The following AJUBA variants were observed in gnomAD, a reference collection of about 807,000 sequenced individuals.
AJUBA encodes the protein ajuba LIM protein.
AJUBA carries 20 observed loss-of-function variants against 53.3 expected under a neutral mutation model. That is an observed-to-expected ratio of 0.38 (90% confidence interval 0.26 to 0.55). AJUBA has a LOEUF of 0.55. AJUBA is among the 20% of genes least tolerant of loss of function. The probability of loss-of-function intolerance (pLI) is 0.80; values close to 1 mark genes in which losing one functional copy is unlikely to be tolerated. For synonymous variants in AJUBA, 296 were observed against 306.2 expected, an observed-to-expected ratio of 0.97 and a Z score of 0.35; for missense variants, 580 against 730.5, an observed-to-expected ratio of 0.79 and a Z score of 2.38.
At chr14:22,978,232 C>A (rs2045055679) in intron 2 of AJUBA, 112 bp downstream of exon 2, 1 of 1,021,232 alleles carries the variant, frequency 9.8e-7, no homozygotes, top group Non-Finnish European at 1.5e-6. Flanking sequence ...GATCCAACAG[C>A]TGCTCTGTGA....
intron 6 of AJUBA, among the ~76,000 whole-genome samples, chr14:22,974,352 G>C (rs565574980): frequency 6.6e-6 from 1 of 152,142 alleles, no homozygotes; most frequent in Non-Finnish European, 1.5e-5. Flanking sequence ...CCTTACCTGC[G>C]TCTCTCAGTT....
At chr14:22,978,741 T>G (rs932985986) in intron 1 of AJUBA, 9 of 1,219,710 alleles carry the variant, frequency 7.4e-6, no homozygotes, top group Non-Finnish European at 9.4e-6. Flanking sequence ...GGCATTCAGA[T>G]GCTTAGTTTC....
chr14:22,973,311 C>G lies in AJUBA; in HGVS notation c.*132G>C. 7.6e-7 allele frequency: 1 copy of G among 1,319,474 alleles called. No homozygotes were observed. The highest frequency in any genetic ancestry group is 1.0e-6 in the Non-Finnish European group (1 of 972,336). The allele number at this position is 1,319,474 out of a possible 1,614,324, so 81.7% of individuals were successfully genotyped here. A position where few individuals can be genotyped will look rare whatever the true frequency, so the allele number is the denominator to read the frequency against. The stretch of plus-strand genomic sequence containing the variant: ...AATATCATGATCTTTGGGTCTCCGG[C>G]CCTTGGGGTCCTCCCCAGAGGACTC... On this transcript the variant is annotated 3_prime_UTR_variant, in exon 8 of 8. Coordinates refer to ENST00000262713, the MANE Select transcript of AJUBA (RefSeq NM_032876.6).
intron 1 of AJUBA, chr14:22,978,823 G>C (rs1234830039): frequency 1.6e-6 from 2 of 1,230,046 alleles, no homozygotes; most frequent in Non-Finnish European, 2.1e-6. Flanking sequence ...GGTCAAAGAT[G>C]CCAGTCCACA....
In AJUBA at chr14:22,976,483, A is replaced by G; in HGVS notation, c.1212T>C (p.Cys404=). The G allele has an allele frequency of 6.2e-7, 1 of 1,614,174 alleles. No homozygotes were observed. The highest frequency in any genetic ancestry group is 8.5e-7 in the Non-Finnish European group (1 of 1,180,024). The change falls in exon 4 of 8, where the codon TGT becomes TGC. Residue 404 remains cysteine, a synonymous_variant. Transcript: ENST00000262713. The part of the protein sequence containing the change: ...SGFQEAAEKC[C]VCGHLILEKI... ...TCTCCAAAATCAAGTGACCACAGAC[A>G]CAGCATTTCTCAGCTGCCTCCTGAA...
At position 22,974,009 on chromosome 14, in the gene AJUBA, C is replaced by A. The variant is rs1216329158; in HGVS notation, c.1491+38G>T. The A allele has an allele frequency of 3.7e-6, 6 of 1,612,946 alleles. No individual in the cohort carries two copies. The Admixed American group carries it at 5.0e-5, about 13-fold the overall frequency. On this transcript the variant is annotated intron_variant, in intron 7 of 7. Transcript: ENST00000262713. ...CTTGACTCCTCCCCTCTCCCCATTT[C>A]CACTTCTTCTCCAGCACCGCTGAAC...
rs555196454 is a variant in AJUBA at position 22,980,130 on chromosome 14, G to T, written c.1006+1131C>A. On this transcript the variant is annotated intron_variant, in intron 1 of 7. Transcript: ENST00000262713. Reference sequence around the variant, plus strand: ...ACTTTTCTAGCCATAGAGTTCTACAGCATGGGGTCCAGGAGTGGGGCATGA... The same window carrying T: ...ACTTTTCTAGCCATAGAGTTCTACATCATGGGGTCCAGGAGTGGGGCATGA... Among the ~76,000 whole-genome samples the T allele has an allele frequency of 1.1e-3, 169 of 152,292 alleles. 1 individual carries two copies. Among genetic ancestry groups the T allele is most frequent in the Non-Finnish European group, 1.8e-3 (122 of 68,028 alleles).
rs2045022136 is a variant in AJUBA, at chr14:22,975,063, G to A, written c.1281C>T (p.Phe427=). The A allele has an allele frequency of 6.2e-7, 1 of 1,613,938 alleles. No individual in the cohort carries two copies. Among genetic ancestry groups the A allele is most frequent in the Admixed American group, 1.7e-5 (1 of 60,008 alleles). The change falls in exon 5 of 8, where the codon TTC becomes TTT. Residue 427 remains phenylalanine, a synonymous_variant. Coordinates refer to ENST00000262713, the MANE Select transcript of AJUBA (RefSeq NM_032876.6). ...GGCACTTGTTGCAAACAATGCATCG[G>A]AAACAGCCTGGATGATAGGACTTCC... The part of the protein sequence containing the change: ...AMGKSYHPGC[F]RCIVCNKCLD...
chr14:22,981,057 G>T (rs536748337), intron 1 of AJUBA, among the ~76,000 whole-genome samples: 1 of 152,248 alleles, frequency 6.6e-6, no homozygotes, highest in East Asian at 1.9e-4. Flanking sequence ...GAATTTAGCA[G>T]AAATAAGGAG....
At chr14:22,973,749 C>T (rs2045007295) in intron 7 of AJUBA, among the ~76,000 whole-genome samples, 181 bp from the exon 8 acceptor site, 1 of 152,118 alleles carries the variant, frequency 6.6e-6, no homozygotes, top group Admixed American at 6.5e-5. Flanking sequence ...CAGCTGGACA[C>T]CAGGTGTCAC....
chr14:22,979,027 A>T lies in AJUBA; in HGVS notation c.1007-582T>A, dbSNP rs1270514415. On this transcript the variant is annotated intron_variant, in intron 1 of 7. Coordinates refer to ENST00000262713, the MANE Select transcript of AJUBA (RefSeq NM_032876.6). This position sits in a 1 kb window ranked among gnomAD's most constrained non-coding sequence, Gnocchi z 4.0. ...GGCTCCGTGCAGAGGGGACCATGTG[A>T]GCATGATTCCTGTGGGGAGGTGGCT... 1 of 1,289,118 alleles carries T rather than the reference A, an allele frequency of 7.8e-7. No homozygotes were observed. The highest frequency in any genetic ancestry group is 1.0e-6 in the Non-Finnish European group (1 of 988,672). 79.9% of individuals were successfully genotyped at this position (1,289,118 alleles called of 1,614,324 possible). A position where few individuals can be genotyped will look rare whatever the true frequency, so the allele number is the denominator to read the frequency against.
rs1446981957 is a variant in AJUBA, at chr14:22,971,404, C to T, written c.*2039G>A. ...GCTGGCATAGTCACCTTAGAATAGC[C>T]CCCAAATGTGGAAATTCTGTTGTCA... On this transcript the variant is annotated 3_prime_UTR_variant, in exon 8 of 8. Transcript: ENST00000262713. 1 of 152,164 alleles carries T rather than the reference C, an allele frequency of 6.6e-6. No homozygotes were observed. Among genetic ancestry groups the T allele is most frequent in the Non-Finnish European group, 1.5e-5 (1 of 68,036 alleles). 9.4% of individuals were successfully genotyped at this position (152,164 alleles called of 1,614,324 possible).
rs1163744091 is a variant in AJUBA, at chr14:22,979,379, C to A, written c.1007-934G>T. Among the ~76,000 whole-genome samples, 1 of 152,214 alleles carries A rather than the reference C, an allele frequency of 6.6e-6. No individual in the cohort carries two copies. Among genetic ancestry groups the A allele is most frequent in the Non-Finnish European group, 1.5e-5 (1 of 68,034 alleles). ...CACTCCCTGCCTGTTGGGGCCCATCCCAGTCTTTGCCCAGGGGCTTGGGAG... is the reference window on the plus strand; with the variant it reads ...CACTCCCTGCCTGTTGGGGCCCATCACAGTCTTTGCCCAGGGGCTTGGGAG... On this transcript the variant is annotated intron_variant, in intron 1 of 7. Coordinates refer to ENST00000262713, the MANE Select transcript of AJUBA (RefSeq NM_032876.6). The surrounding 1 kb of genome is among the most constrained non-coding windows in gnomAD (Gnocchi z 4.0).
rs898614901 is a variant in AJUBA at position 22,977,291 on chromosome 14, T to C, written c.1109-579A>G. 4.8e-6 allele frequency: 4 copies of C among 832,684 alleles called. No homozygotes were observed. The African/African-American group carries it at 7.4e-5, about 15-fold the overall frequency. 51.6% of individuals were successfully genotyped at this position (832,684 alleles called of 1,614,324 possible). ...CCCTCTCCTGTTTGTATAAGGCTGC[T>C]TCCCTAAGCTTAGAGGGACCCAGAG... On this transcript the variant is annotated intron_variant, in intron 2 of 7. Coordinates refer to ENST00000262713, the MANE Select transcript of AJUBA (RefSeq NM_032876.6).
In AJUBA at chr14:22,976,533, A is replaced by G. The variant is rs1294787863; in HGVS notation, c.1177-15T>C. On this transcript the variant is annotated splice_polypyrimidine_tract_variant and intron_variant, in intron 3 of 7. Coordinates refer to ENST00000262713, the MANE Select transcript of AJUBA (RefSeq NM_032876.6). ...AACCCTGAAAACTAAAGTAAAAGAC[A>G]AGACGAACGGAGGCTGTTATCAAAC... The G allele has an allele frequency of 6.2e-7, 1 of 1,614,026 alleles. No individual in the cohort carries two copies. The highest frequency in any genetic ancestry group is 8.5e-7 in the Non-Finnish European group (1 of 1,180,004).
At position 22,979,745 on chromosome 14, in the gene AJUBA, T is replaced by C. The variant is rs879440570; in HGVS notation, c.1007-1300A>G. ...AGCAAACGAAACTGCTCAGGCACGT[T>C]GGCCTCACCTCCTCTAACCCAGCAT... is the stretch of plus-strand genomic sequence containing the variant. On this transcript the variant is annotated intron_variant, in intron 1 of 7. Transcript: ENST00000262713. This position sits in a 1 kb window ranked among gnomAD's most constrained non-coding sequence, Gnocchi z 4.0. Among the ~76,000 whole-genome samples the C allele has an allele frequency of 3.3e-5, 5 of 152,270 alleles. No homozygotes were observed. Among genetic ancestry groups the C allele is most frequent in the Non-Finnish European group, 7.3e-5 (5 of 68,050 alleles).
At chr14:22,974,491 C>T (rs186643786) in intron 6 of AJUBA, among the ~76,000 whole-genome samples, 101 of 152,378 alleles carry the variant, frequency 6.6e-4, no homozygotes, top group Non-Finnish European at 7.3e-5. Flanking sequence ...ACATCCCCTA[C>T]ACTCAGCTTA....
chr14:22,979,094 G>C lies in AJUBA; in HGVS notation c.1007-649C>G. 7.8e-7 allele frequency: 1 copy of C among 1,283,114 alleles called. No individual in the cohort carries two copies. The allele number at this position is 1,283,114 out of a possible 1,614,324, so 79.5% of individuals were successfully genotyped here. A position where few individuals can be genotyped will look rare whatever the true frequency, so the allele number is the denominator to read the frequency against. ...GTGTTCCAGGAACCAGGGTTGAACA[G>C]GAAAGCAGGGAGAGTAGCAGAGCCC... On this transcript the variant is annotated intron_variant, in intron 1 of 7. Transcript: ENST00000262713. This position sits in a 1 kb window ranked among gnomAD's most constrained non-coding sequence, Gnocchi z 4.0.
rs1437791122 is a variant in AJUBA, at chr14:22,981,382, G to A, written c.885C>T (p.Ala295=). Residue 295 remains alanine, a synonymous_variant, in exon 1 of 8, where the codon GCC becomes GCT. Coordinates refer to ENST00000262713, the MANE Select transcript of AJUBA (RefSeq NM_032876.6). ...RLTVGTGGRE[A]GARGEPSGIE... ...TCCCCGAGGGTTCTCCGCGGGCTCC[G>A]GCTTCTCGCCCACCGGTGCCCACCG... 2 of 1,613,058 alleles carry A rather than the reference G, an allele frequency of 1.2e-6. No homozygotes were observed. Among genetic ancestry groups the A allele is most frequent in the African/African-American group, 1.3e-5 (1 of 75,060 alleles).
Sources: gnomAD v4.1 joint callset for allele counts (sites outside exome capture counted in the v4.1 genomes callset) on GRCh38, gnomAD v4.1.1 for gene constraint, Gnocchi (gnomAD v3.1) non-coding constraint, MANE v1.5 for transcripts, NCBI Gene and HGNC (gene_info 2026-07-23, HGNC 2026-07-21) for gene names.